SSU72: variants seen among roughly 807,000 people sequenced by gnomAD.
SSU72 encodes RNA polymerase II subunit A C-terminal domain phosphatase SSU72.
A neutral mutation model predicts 22.7 loss-of-function variants in SSU72; 12 were observed. That is an observed-to-expected ratio of 0.53 (90% CI 0.34 to 0.86). The LOEUF (loss-of-function observed/expected upper bound fraction) is 0.86, where lower values mean the gene tolerates loss of function less well. Among genes scored for constraint, SSU72 ranks in the 40% least tolerant of loss-of-function variants. The probability of loss-of-function intolerance (pLI) is 0.02; values close to 1 mark genes in which losing one functional copy is unlikely to be tolerated. For synonymous variants in SSU72, 116 were observed against 98.3 expected (o/e 1.18, Z -1.06); for missense variants, 151 against 249.8 (o/e 0.60, Z 2.67).
At chr1:1,549,497 G>T (rs752335688) in intron 2 of SSU72, among the ~76,000 whole-genome samples, 49 of 150,784 alleles carry the variant, frequency 3.2e-4, no homozygotes, top group Non-Finnish European at 3.7e-4. Context: ...CCAGCCTGGG[G>T]GACAGAGCGA....
chr1:1,547,810 C>A (rs1231762569), intron 2 of SSU72, among the ~76,000 whole-genome samples: 1 of 152,180 alleles, frequency 6.6e-6, no homozygotes, highest in African/African-American at 2.4e-5. Flanking sequence ...GAAGGAAGAA[C>A]CTAAGTACTG....
intron 2 of SSU72, among the ~76,000 whole-genome samples, chr1:1,548,742 C>T (rs1468750517): frequency 6.6e-6 from 1 of 152,202 alleles, no homozygotes; most frequent in Admixed American, 6.5e-5. Flanking sequence ...CTCCCACTCG[C>T]CCCCGGAGGC....
At position 1,554,297 on chromosome 1, in the gene SSU72, G is replaced by A. The variant is rs185106650; in HGVS notation, c.225-9295C>T. Reference sequence around the variant, plus strand: ...ACGAAGCTGAGCACGAGACGGATCCGGACCACTCGGGGGTCCCCACGAAGC... The same window carrying A: ...ACGAAGCTGAGCACGAGACGGATCCAGACCACTCGGGGGTCCCCACGAAGC... On this transcript the variant is annotated intron_variant, in intron 2 of 4. Transcript: ENST00000291386. This position sits in a 1 kb window ranked among gnomAD's most constrained non-coding sequence, Gnocchi z 4.1. Among the ~76,000 whole-genome samples the A allele has an allele frequency of 3.0e-3, 461 of 151,772 alleles. 5 individuals are homozygous for A. Among genetic ancestry groups the A allele is most frequent in the African/African-American group, 0.011 (445 of 41,302 alleles).
At chr1:1,555,150 C>T (rs1642505608) in intron 2 of SSU72, among the ~76,000 whole-genome samples, 1 of 152,150 alleles carries the variant, frequency 6.6e-6, no homozygotes, top group Non-Finnish European at 1.5e-5. Flanking sequence ...ACAGCCATGC[C>T]CCTGCCACAC....
Position 1,574,453 on chromosome 1 carries a change from C to G in SSU72, c.80+25G>C, listed in dbSNP as rs756030743. ...GGGCCGGTCGCCGGAGCAGAGCGCG[C>G]GGGGACAGGGTGGAGCCCAACTACC... On this transcript the variant is annotated intron_variant, in intron 1 of 4. Coordinates refer to ENST00000291386, the MANE Select transcript of SSU72 (RefSeq NM_014188.3). 5 of 1,582,258 alleles carry G rather than the reference C, an allele frequency of 3.2e-6. No individual in the cohort carries two copies. In the South Asian group the frequency reaches 4.6e-5, roughly 14 times the overall value.
chr1:1,551,810 G>A (rs1642459516), intron 2 of SSU72, among the ~76,000 whole-genome samples: 1 of 152,234 alleles, frequency 6.6e-6, no homozygotes, highest in South Asian at 2.1e-4. Flanking sequence ...AGGGAGGGTG[G>A]TGGGGCCCGA....
At position 1,574,649 on chromosome 1, in the gene SSU72, G is replaced by C; in HGVS notation, c.-92C>G. On this transcript the variant is annotated 5_prime_UTR_variant, in exon 1 of 5. Transcript: ENST00000291386. ...AACAAAATGGCGGCCGCGGTGGCCG[G>C]AAGCGGGCGACGCGAAACGACGGCG... 3 of 1,276,124 alleles carry C rather than the reference G, an allele frequency of 2.4e-6. No individual in the cohort carries two copies. Among genetic ancestry groups the C allele is most frequent in the Non-Finnish European group, 3.1e-6 (3 of 976,626 alleles). The allele number at this position is 1,276,124 out of a possible 1,614,324, so 79.1% of individuals were successfully genotyped here.
Position 1,574,424 on chromosome 1 carries a change from G to C in SSU72, c.80+54C>G. On this transcript the variant is annotated intron_variant, in intron 1 of 4. Coordinates refer to ENST00000291386, the MANE Select transcript of SSU72 (RefSeq NM_014188.3). ...GCGGGCCAGGGGGAACCGGGGAGGA[G>C]GGAGGGCCGGTCGCCGGAGCAGAGC... 8 of 1,537,560 alleles carry C rather than the reference G, an allele frequency of 5.2e-6. No individual in the cohort carries two copies. The South Asian group carries it at 9.5e-5, about 18-fold the overall frequency.
At chr1:1,564,314 C>T (rs775306087) in intron 2 of SSU72, 16 of 627,162 alleles carry the variant, frequency 2.6e-5, no homozygotes, top group Non-Finnish European at 4.2e-5. Flanking sequence ...TAGCAAGCTC[C>T]GCCCTCTTCT....
At position 1,574,739 on chromosome 1, in the gene SSU72, G is replaced by C; in HGVS notation, c.-182C>G. The C allele has an allele frequency of 2.3e-6, 1 of 427,892 alleles. No homozygotes were observed. Among genetic ancestry groups the C allele is most frequent in the East Asian group, 4.8e-5 (1 of 20,758 alleles). The allele number at this position is 427,892 out of a possible 1,614,324, so 26.5% of individuals were successfully genotyped here. ...CGCCCACCCTGGGCGCCGGGCCGCGGACGGAGCGCAGGCACTGGCCTTCGG... is the reference window on the plus strand; with the variant it reads ...CGCCCACCCTGGGCGCCGGGCCGCGCACGGAGCGCAGGCACTGGCCTTCGG... On this transcript the variant is annotated 5_prime_UTR_variant, in exon 1 of 5. Coordinates refer to ENST00000291386, the MANE Select transcript of SSU72 (RefSeq NM_014188.3).
At chr1:1,572,876 T>TG (rs1557508288) in intron 1 of SSU72, among the ~76,000 whole-genome samples, 2 of 35,394 alleles carry the variant, frequency 5.7e-5, no homozygotes, top group Non-Finnish European at 1.4e-4. Flanking sequence ...TAATTTTGTC[T>TG]TGGGGGGGGG....
chr1:1,545,341 T>TTGGCCTC (rs1428825109), intron 2 of SSU72: 15 of 279,080 alleles, frequency 5.4e-5, no homozygotes, highest in Non-Finnish European at 6.7e-6. Flanking sequence ...CAAGCTGCCC[T>TTGGCCTC]TGGCCTCAGT....
At chr1:1,555,492 A>G (rs991340043) in intron 2 of SSU72, among the ~76,000 whole-genome samples, 1 of 152,160 alleles carries the variant, frequency 6.6e-6, no homozygotes, top group Non-Finnish European at 1.5e-5. Flanking sequence ...GCATGTCTGG[A>G]GGGAGTGTCG....
chr1:1,559,407 A>G (rs1343791797), intron 2 of SSU72, among the ~76,000 whole-genome samples: 4 of 152,164 alleles, frequency 2.6e-5, no homozygotes, highest in Non-Finnish European at 5.9e-5. Flanking sequence ...CCTGAAACCC[A>G]CAGAACTGGA....
Position 1,544,863 on chromosome 1 carries a change from C to T in SSU72, c.364G>A (p.Asp122Asn). Residue 122 changes from aspartate (D) to asparagine (N), a missense_variant and splice_region_variant, in exon 3 of 5, where the codon GAT (aspartate) becomes AAT (asparagine). By Grantham distance (23) the Asp-to-Asn change is conservative. Coordinates refer to ENST00000291386, the MANE Select transcript of SSU72 (RefSeq NM_014188.3). ...EERVYDQVVE[D>N]LNSREQETCQ... ...GCCCAGCACGCAGCCGCCTCCTCAC[C>T]TTCCACCACCTGGTCATACACTCTC... is the stretch of plus-strand genomic sequence containing the variant. 1.2e-6 allele frequency: 2 copies of T among 1,614,180 alleles called. No individual in the cohort carries two copies. The highest frequency in any genetic ancestry group is 1.7e-6 in the Non-Finnish European group (2 of 1,180,024).
At chr1:1,546,688 T>C (rs1232717998) in intron 2 of SSU72, among the ~76,000 whole-genome samples, 1 of 151,474 alleles carries the variant, frequency 6.6e-6, no homozygotes, top group Non-Finnish European at 1.5e-5. Flanking sequence ...AATACAAAAG[T>C]TAGCCAGGTG....
At chr1:1,556,405 T>TG (rs1374018494) in intron 2 of SSU72, among the ~76,000 whole-genome samples, 5 of 151,788 alleles carry the variant, frequency 3.3e-5, no homozygotes, top group Admixed American at 6.6e-5. Context: ...CCGGACGTGG[T>TG]GGGGGGCGCC....
Position 1,542,044 on chromosome 1 carries a change from C to T in SSU72, c.*22G>A, listed in dbSNP as rs200586425. 49 of 1,558,242 alleles carry T rather than the reference C, an allele frequency of 3.1e-5. No individual in the cohort carries two copies. The highest frequency in any genetic ancestry group is 3.1e-4 in the East Asian group (13 of 42,134). On this transcript the variant is annotated 3_prime_UTR_variant, in exon 5 of 5. Coordinates refer to ENST00000291386, the MANE Select transcript of SSU72 (RefSeq NM_014188.3). The surrounding 1 kb of genome is among the most constrained non-coding windows in gnomAD (Gnocchi z 4.4). ...TATGAACAACAGGAAGCTCCAGAGG[C>T]GGCTCCATGCGGGCGCTGGGCTCAG...
In SSU72 at chr1:1,555,494, G is replaced by T. The variant is rs538385821; in HGVS notation, c.224+9279C>A. ...GCGGCTGTGGCAGGCATGTCTGGAG[G>T]GAGTGTCGTGCATGTGGGTGACAAG... On this transcript the variant is annotated intron_variant, in intron 2 of 4. Transcript: ENST00000291386. 3.3e-5 allele frequency among the ~76,000 whole-genome samples: 5 copies of T among 152,256 alleles called. No individual in the cohort carries two copies. The South Asian group carries it at 1.0e-3, about 32-fold the overall frequency.
Sources: gnomAD v4.1 joint callset for allele counts (sites outside exome capture counted in the v4.1 genomes callset) on GRCh38, gnomAD v4.1.1 for gene constraint, Gnocchi (gnomAD v3.1) non-coding constraint, MANE v1.5 for transcripts, NCBI Gene and HGNC (gene_info 2026-07-23, HGNC 2026-07-21) for gene names.